The following DDX4 variants were observed in gnomAD, a reference collection of about 807,000 sequenced individuals.
The protein encoded by DDX4 is probable ATP-dependent RNA helicase DDX4.
In DDX4, 25 loss-of-function variants were observed where a neutral mutation model predicts 100.0. That is an observed-to-expected ratio of 0.25 (90% CI 0.18 to 0.35). The LOEUF (loss-of-function observed/expected upper bound fraction) is 0.35, where lower values mean the gene tolerates loss of function less well. Ranked by LOEUF, DDX4 falls within the 10% of genes least tolerant of loss-of-function variation. DDX4 has a pLI of 1.00. For missense variants in DDX4, 635 were observed against 882.4 expected (o/e 0.72, Z 3.55); for synonymous variants, 259 against 275.7 (o/e 0.94, Z 0.60).
intron 7 of DDX4, among the ~76,000 whole-genome samples, chr5:55,774,307 A>G (rs895831669): frequency 1.3e-5 from 2 of 152,010 alleles, no homozygotes; most frequent in African/African-American, 4.8e-5. Flanking sequence ...ATGTGCCACC[A>G]TGCCCAGCTA....
chr5:55,762,556 A>G (rs1011455261), intron 4 of DDX4, among the ~76,000 whole-genome samples: 2 of 152,170 alleles, frequency 1.3e-5, no homozygotes, highest in African/African-American at 4.8e-5. Context: ...ACAAAATATT[A>G]GCAGTTGACA....
chr5:55,785,606 A>C, intron 12 of DDX4, 112 bp downstream of exon 12: 1 of 1,280,006 alleles, frequency 7.8e-7, no homozygotes, highest in Admixed American at 2.2e-5. Flanking sequence ...TGAAAACTTT[A>C]AAGGTAAGCA....
intron 14 of DDX4, among the ~76,000 whole-genome samples, 164 bp downstream of exon 14, chr5:55,786,834 C>T (rs767497742): frequency 9.2e-5 from 14 of 152,280 alleles, no homozygotes; most frequent in East Asian, 1.9e-4. Flanking sequence ...TTGTGTACTT[C>T]GGAAGAAAGA....
At position 55,783,188 on chromosome 5, in the gene DDX4, A is replaced by T. The variant is rs559306524; in HGVS notation, c.625+1207A>T. Reference sequence around the variant, plus strand: ...AATGAAGCTTGCTCGATGTATTTGGAAGATTCTCAGTAATTATTATTAGTC... The same window carrying T: ...AATGAAGCTTGCTCGATGTATTTGGTAGATTCTCAGTAATTATTATTAGTC... On this transcript the variant is annotated intron_variant, in intron 10 of 21. Transcript: ENST00000505374. Among the ~76,000 whole-genome samples, 9 of 152,250 alleles carry T rather than the reference A, an allele frequency of 5.9e-5. No homozygotes were observed. In the South Asian group the frequency reaches 1.9e-3, roughly 32 times the overall value.
At chr5:55,738,858 A>C (rs1191970179) in intron 1 of DDX4, 92 bp from the exon 2 acceptor site, 2 of 808,340 alleles carry the variant, frequency 2.5e-6, no homozygotes, top group East Asian at 2.4e-5. Context: ...GGGTAGTTTC[A>C]AGATGTATGT....
intron 21 of DDX4, 47 bp downstream of exon 21, chr5:55,815,470 G>A (rs1169793235): frequency 1.3e-6 from 2 of 1,576,648 alleles, no homozygotes; most frequent in Non-Finnish European, 1.7e-6. Flanking sequence ...GTTACTCTTT[G>A]TAAATGTTGT....
intron 18 of DDX4, among the ~76,000 whole-genome samples, chr5:55,809,593 C>G (rs553561969): frequency 9.2e-5 from 14 of 152,270 alleles, no homozygotes; most frequent in African/African-American, 3.1e-4. Flanking sequence ...CCTCTCAGAC[C>G]TCTTTAGAGG....
intron 18 of DDX4, among the ~76,000 whole-genome samples, chr5:55,800,179 CATT>C (rs760530138): frequency 1.2e-4 from 19 of 152,120 alleles, no homozygotes; most frequent in Non-Finnish European, 2.5e-4. Context: ...TAGATTTTGT[CATT>C]ATCCCCATTT....
At chr5:55,814,014 T>G (rs1744252382) in intron 19 of DDX4, among the ~76,000 whole-genome samples, 1 of 152,320 alleles carries the variant, frequency 6.6e-6, no homozygotes, top group Admixed American at 6.5e-5. Flanking sequence ...GATAAAGGTC[T>G]GCCTTACTCT....
chr5:55,791,528 C>A (rs143659934), intron 16 of DDX4, among the ~76,000 whole-genome samples: 1 of 152,154 alleles, frequency 6.6e-6, no homozygotes, highest in Non-Finnish European at 1.5e-5. Context: ...CCTGATTGTT[C>A]CCGAGTGATT....
intron 6 of DDX4, 149 bp downstream of exon 6, chr5:55,764,213 G>A (rs540539011): frequency 5.9e-4 from 363 of 614,948 alleles, no homozygotes; most frequent in Middle Eastern, 2.4e-3. Flanking sequence ...CTTAACCAAG[G>A]ATATTACTGC....
intron 18 of DDX4, among the ~76,000 whole-genome samples, chr5:55,806,484 A>C (rs1026891206): frequency 2.0e-5 from 3 of 152,104 alleles, no homozygotes; most frequent in Non-Finnish European, 4.4e-5. Flanking sequence ...TTCCCTCTAC[A>C]CACTGCTTTG....
chr5:55,774,969 C>T (rs1741470308), intron 7 of DDX4, among the ~76,000 whole-genome samples: 1 of 152,220 alleles, frequency 6.6e-6, no homozygotes, highest in African/African-American at 2.4e-5. Context: ...ATTCTGTCAT[C>T]ACTATCATCA....
intron 18 of DDX4, among the ~76,000 whole-genome samples, chr5:55,804,724 G>A (rs1226462495): frequency 6.6e-6 from 1 of 151,802 alleles, no homozygotes; most frequent in Non-Finnish European, 1.5e-5. Flanking sequence ...TGGTTACTGT[G>A]GCCTTGTAGT....
intron 3 of DDX4, among the ~76,000 whole-genome samples, chr5:55,748,303 G>C (rs1390482579): frequency 6.6e-6 from 1 of 152,142 alleles, no homozygotes; most frequent in African/African-American, 2.4e-5. Context: ...ATGGATAAAC[G>C]TAATAGATAC....
intron 2 of DDX4, among the ~76,000 whole-genome samples, chr5:55,741,929 CCTTCT>C (rs1235163281): frequency 3.3e-5 from 5 of 152,180 alleles, no homozygotes; most frequent in African/African-American, 1.2e-4. Context: ...AAAAAGCTGG[CCTTCT>C]CTTTTATAGC....
intron 18 of DDX4, among the ~76,000 whole-genome samples, chr5:55,807,889 C>T (rs1351293104): frequency 1.3e-5 from 2 of 152,232 alleles, no homozygotes; most frequent in Non-Finnish European, 2.9e-5. Context: ...TTGAAGTTCT[C>T]ATGGATAATA....
At position 55,815,066 on chromosome 5, in the gene DDX4, A is replaced by C; in HGVS notation, c.1881A>C (p.Arg627=). 1 of 1,614,204 alleles carries C rather than the reference A, an allele frequency of 6.2e-7. No individual in the cohort carries two copies. Among genetic ancestry groups the C allele is most frequent in the Non-Finnish European group, 8.5e-7 (1 of 1,180,028 alleles). Residue 627 remains arginine (R), a synonymous_variant, in exon 20 of 22, where the codon CGA becomes CGC. Coordinates refer to ENST00000505374, the MANE Select transcript of DDX4 (RefSeq NM_024415.3). ...LPSTIDEYVH[R]IGRTGRCGNT... is the part of the protein sequence containing the mutation. ...CTACCATTGATGAATATGTTCATCGAATTGGGCGTACTGGTCGTTGTGGGA... is the reference window on the plus strand; with the variant it reads ...CTACCATTGATGAATATGTTCATCGCATTGGGCGTACTGGTCGTTGTGGGA...
intron 18 of DDX4, among the ~76,000 whole-genome samples, chr5:55,799,760 A>G (rs2112109706): frequency 6.6e-6 from 1 of 152,268 alleles, no homozygotes; most frequent in African/African-American, 2.4e-5. Flanking sequence ...AAATATGTTC[A>G]TTTTAATACC....
Sources: gnomAD v4.1 joint callset for allele counts (sites outside exome capture counted in the v4.1 genomes callset) on GRCh38, gnomAD v4.1.1 for gene constraint, MANE v1.5 for transcripts, NCBI Gene and HGNC (gene_info 2026-07-23, HGNC 2026-07-21) for gene names.